TEC: variants seen among roughly 807,000 people sequenced by gnomAD.
TEC encodes the protein tec protein tyrosine kinase, also known as tyrosine-protein kinase Tec.
A neutral mutation model predicts 93.0 loss-of-function variants in TEC; 72 were observed. That is an observed-to-expected ratio of 0.77 (90% CI 0.64 to 0.94). The LOEUF (loss-of-function observed/expected upper bound fraction) is 0.94. Ranked by LOEUF, TEC falls within the 40% of genes least tolerant of loss-of-function variation. TEC has a pLI of 0.00. For synonymous variants in TEC, 249 were observed against 247.7 expected, an observed-to-expected ratio of 1.01 and a Z score of -0.05; for missense variants, 630 against 757.9, an observed-to-expected ratio of 0.83 and a Z score of 1.98.
chr4:48,228,813 A>C (rs1296746846), intron 1 of TEC, among the ~76,000 whole-genome samples, 154 bp from the exon 2 acceptor site: 10 of 152,176 alleles, frequency 6.6e-5, no homozygotes, highest in Admixed American at 6.5e-4. Flanking sequence ...GGGCACAAAA[A>C]TTCAATCTCC....
chr4:48,144,705 A>G (rs1331736245), intron 14 of TEC, among the ~76,000 whole-genome samples: 1 of 152,194 alleles, frequency 6.6e-6, no homozygotes, highest in African/African-American at 2.4e-5. Flanking sequence ...CTAGTTAGAA[A>G]GTCAAGGCCA....
chr4:48,141,665 C>CTT (rs146623960), intron 14 of TEC: 1,533 of 293,518 alleles, frequency 5.2e-3, no homozygotes, highest in Non-Finnish European at 6.6e-3. Flanking sequence ...TACCAATTGT[C>CTT]TTTTTTTTTT....
At chr4:48,232,350 C>T (rs1723673447) in intron 1 of TEC, among the ~76,000 whole-genome samples, 1 of 151,968 alleles carries the variant, frequency 6.6e-6, no homozygotes, top group African/African-American at 2.4e-5. Context: ...GTGATTACTA[C>T]TCTTATACAG....
At chr4:48,156,240 T>C (rs895280167) in intron 9 of TEC, among the ~76,000 whole-genome samples, 1 of 152,164 alleles carries the variant, frequency 6.6e-6, no homozygotes, top group Non-Finnish European at 1.5e-5. Context: ...ACCGCAATGA[T>C]GACCAGTGCT....
intron 14 of TEC, among the ~76,000 whole-genome samples, chr4:48,143,819 T>C (rs763303222): frequency 1.4e-4 from 22 of 152,214 alleles, no homozygotes; most frequent in Non-Finnish European, 1.5e-5. Context: ...TTTCCTCATC[T>C]GTAAAAAGGG....
chr4:48,203,661 G>T (rs1198518250), intron 2 of TEC, among the ~76,000 whole-genome samples: 1 of 152,100 alleles, frequency 6.6e-6, no homozygotes, highest in Admixed American at 6.5e-5. Flanking sequence ...TGGAAATAAA[G>T]AACCAATATT....
chr4:48,153,894 C>T (rs918893993), intron 9 of TEC, among the ~76,000 whole-genome samples: 16 of 152,106 alleles, frequency 1.1e-4, no homozygotes, highest in Admixed American at 2.6e-4. Flanking sequence ...AGAGGTTTGG[C>T]CTAATGAAGG....
At chr4:48,265,462 TAC>T (rs1560430051) in intron 1 of TEC, among the ~76,000 whole-genome samples, 1 of 55,002 alleles carries the variant, frequency 1.8e-5, no homozygotes, top group Non-Finnish European at 4.2e-5. Flanking sequence ...TATACATATA[TAC>T]ACACACATAT....
chr4:48,254,252 T>C (rs1724283430), intron 1 of TEC, among the ~76,000 whole-genome samples: 3 of 151,778 alleles, frequency 2.0e-5, no homozygotes, highest in Admixed American at 6.6e-5. Flanking sequence ...GACAAAGAGG[T>C]TGGTGGCAAA....
chr4:48,217,344 C>T (rs1443862651), intron 2 of TEC, among the ~76,000 whole-genome samples: 11 of 152,120 alleles, frequency 7.2e-5, no homozygotes, highest in Admixed American at 1.3e-4. Flanking sequence ...CCTCATGATC[C>T]GCCCAACTCG....
chr4:48,262,749 CT>C (rs1724530750), intron 1 of TEC, among the ~76,000 whole-genome samples: 1 of 152,180 alleles, frequency 6.6e-6, no homozygotes, highest in Admixed American at 6.5e-5. Context: ...ACTAGCCAAG[CT>C]TTTGTTCACA....
At chr4:48,243,627 C>A (rs1352606059) in intron 1 of TEC, among the ~76,000 whole-genome samples, 1 of 152,114 alleles carries the variant, frequency 6.6e-6, no homozygotes, top group African/African-American at 2.4e-5. Context: ...GATACTCATA[C>A]CCTAGTAAAA....
chr4:48,141,706 GA>G, intron 14 of TEC: 1 of 105,636 alleles, frequency 9.5e-6, no homozygotes, highest in Non-Finnish European at 1.7e-5. Context: ...TTTTGAGACA[GA>G]GTCTGCCTCT....
intron 1 of TEC, among the ~76,000 whole-genome samples, chr4:48,247,401 G>A (rs1474725282): frequency 1.3e-5 from 2 of 152,100 alleles, no homozygotes; most frequent in Non-Finnish European, 2.9e-5. Context: ...ATACCCAACA[G>A]AATTAAAAAC....
At chr4:48,258,014 G>C (rs552243831) in intron 1 of TEC, among the ~76,000 whole-genome samples, 45 of 152,202 alleles carry the variant, frequency 3.0e-4, no homozygotes, top group African/African-American at 1.0e-3. Context: ...AGAAATTTTT[G>C]TTCCAAGTCA....
intron 2 of TEC, among the ~76,000 whole-genome samples, chr4:48,195,353 C>G (rs913203248): frequency 2.6e-5 from 4 of 151,718 alleles, no homozygotes; most frequent in Non-Finnish European, 5.9e-5. Context: ...TACTTACAAA[C>G]TTTTTTTTTG....
chr4:48,246,729 C>A (rs1449821402), intron 1 of TEC, among the ~76,000 whole-genome samples: 3 of 152,110 alleles, frequency 2.0e-5, no homozygotes, highest in Non-Finnish European at 4.4e-5. Context: ...GGACCTCTAC[C>A]TCACACCATA....
chr4:48,158,702 G>A (rs533144095), intron 8 of TEC, among the ~76,000 whole-genome samples: 3 of 152,306 alleles, frequency 2.0e-5, no homozygotes, highest in African/African-American at 4.8e-5. Context: ...AATCAGTGAA[G>A]CTAAATTGTA....
intron 2 of TEC, among the ~76,000 whole-genome samples, chr4:48,206,982 A>C (rs544375631): frequency 2.6e-5 from 4 of 152,132 alleles, no homozygotes; most frequent in Admixed American, 2.0e-4. Flanking sequence ...AACAAACAAA[A>C]AAACCCCACA....
Sources: allele counts gnomAD v4.1 joint callset (sites outside exome capture counted in the v4.1 genomes callset), GRCh38; gene constraint gnomAD v4.1.1; transcripts MANE v1.5; gene names NCBI Gene and HGNC (gene_info 2026-07-23, HGNC 2026-07-21).